Variants in SLC44A5 observed in about 807,000 individuals in gnomAD.
The protein encoded by SLC44A5 is choline transporter-like protein 5.
Under a neutral mutation model 101.8 loss-of-function variants are expected in SLC44A5, and 57 were observed. The ratio of observed to expected loss-of-function variants is 0.56; its 90% confidence interval spans 0.45 to 0.70. The LOEUF (loss-of-function observed/expected upper bound fraction) is 0.70, where lower values mean the gene tolerates loss of function less well. SLC44A5 is among the 30% of genes least tolerant of loss of function. The pLI, the probability that SLC44A5 is intolerant of heterozygous loss-of-function variation, is 0.00. For missense variants in SLC44A5, 737 were observed against 853.1 expected, an observed-to-expected ratio of 0.86 and a Z score of 1.70; for synonymous variants, 281 against 290.9, an observed-to-expected ratio of 0.97 and a Z score of 0.35.
chr1:75,475,066 C>G (rs957806053), intron 2 of SLC44A5, among the ~76,000 whole-genome samples: 5 of 152,196 alleles, frequency 3.3e-5, no homozygotes, highest in African/African-American at 7.2e-5. Flanking sequence ...AAATGAGGAG[C>G]CTGAATTCCA....
At chr1:75,672,405 C>T in the SLC44A5 span, among the ~76,000 whole-genome samples, 3 of 152,024 alleles carry the variant, frequency 2.0e-5, no homozygotes, top group Non-Finnish European at 2.9e-5. Flanking sequence ...AGCATTTAGA[C>T]CAGCCCTAGC....
intron 1 of SLC44A5, among the ~76,000 whole-genome samples, chr1:75,564,430 AT>A (rs1252607702): frequency 3.6e-5 from 3 of 84,440 alleles, no homozygotes; most frequent in Non-Finnish European, 6.7e-5. Context: ...CCCCAAAAGG[AT>A]TTTTTTTGCA....
chr1:75,240,230 C>G (rs759584266), intron 9 of SLC44A5, among the ~76,000 whole-genome samples: 1 of 152,064 alleles, frequency 6.6e-6, no homozygotes, highest in Non-Finnish European at 1.5e-5. Context: ...CAAAATCACA[C>G]AAGACATGCA....
In SLC44A5 at chr1:75,222,380, G is replaced by A. The variant is rs567560165; in HGVS notation, c.1066C>T (p.Leu356=). Residue 356 remains leucine (L), a synonymous_variant, in exon 14 of 24, where the codon CTG becomes TTG. Transcript: ENST00000370859. The part of the protein sequence containing the change: ...LRNRIRVAII[L]LKEGSKAIGY... ...CCTTACTTGCTTCCTTCCTTCAGCA[G>A]GATAATGGCGACTCGGATTCGATTC... 2 of 1,613,510 alleles carry A rather than the reference G, an allele frequency of 1.2e-6. No individual in the cohort carries two copies. Among genetic ancestry groups the A allele is most frequent in the African/African-American group, 2.7e-5 (2 of 75,026 alleles).
intron 2 of SLC44A5, among the ~76,000 whole-genome samples, chr1:75,507,694 T>G (rs1669346678): frequency 6.6e-6 from 1 of 151,934 alleles, no homozygotes. Flanking sequence ...TTTTGGGGAG[T>G]TGGTAGGTTT....
intron 2 of SLC44A5, among the ~76,000 whole-genome samples, chr1:75,432,138 A>G (rs553529547): frequency 1.3e-5 from 2 of 152,132 alleles, no homozygotes; most frequent in South Asian, 4.1e-4. Flanking sequence ...TCTCTCCTCA[A>G]TTGCTCTAAA....
intron 13 of SLC44A5, among the ~76,000 whole-genome samples, chr1:75,226,584 A>G (rs1156583353): frequency 2.0e-5 from 3 of 152,088 alleles, no homozygotes; most frequent in Non-Finnish European, 2.9e-5. Flanking sequence ...CAAGTTTTCA[A>G]ATTGATGGGA....
chr1:75,701,425 A>C, the SLC44A5 span, among the ~76,000 whole-genome samples: 1 of 152,216 alleles, frequency 6.6e-6, no homozygotes, highest in Admixed American at 6.5e-5. Context: ...ATCTCAATAG[A>C]TGCAGAAAAG....
intron 4 of SLC44A5, among the ~76,000 whole-genome samples, chr1:75,314,555 T>C (rs931743427): frequency 2.6e-5 from 4 of 152,122 alleles, no homozygotes; most frequent in African/African-American, 7.2e-5. Context: ...GCAATAACAA[T>C]AGGTGAGATA....
chr1:75,270,625 A>T (rs1292434588), intron 6 of SLC44A5, among the ~76,000 whole-genome samples: 1 of 152,152 alleles, frequency 6.6e-6, no homozygotes, highest in East Asian at 1.9e-4. Flanking sequence ...ATGATAACCC[A>T]GACCCCAGAA....
intron 6 of SLC44A5, among the ~76,000 whole-genome samples, chr1:75,253,914 T>C (rs1649789039): frequency 6.6e-6 from 1 of 152,298 alleles, no homozygotes; most frequent in African/African-American, 2.4e-5. Context: ...ACCAATTCCA[T>C]AATGTTTTTG....
intron 1 of SLC44A5, among the ~76,000 whole-genome samples, chr1:75,577,723 C>A (rs1673453265): frequency 6.6e-6 from 1 of 152,110 alleles, no homozygotes; most frequent in South Asian, 2.1e-4. Flanking sequence ...AATATAAATT[C>A]TCTGAGAGCA....
chr1:75,518,815 G>A (rs954541760), intron 2 of SLC44A5, among the ~76,000 whole-genome samples: 4 of 152,230 alleles, frequency 2.6e-5, no homozygotes, highest in African/African-American at 9.6e-5. Context: ...AACAGAGAGA[G>A]TCAGATTAGT....
At chr1:75,478,479 C>T (rs1174135048) in intron 2 of SLC44A5, among the ~76,000 whole-genome samples, 1 of 151,860 alleles carries the variant, frequency 6.6e-6, no homozygotes, top group Non-Finnish European at 1.5e-5. Flanking sequence ...GAGTCAAGAC[C>T]CATCAGTGTG....
intron 2 of SLC44A5, among the ~76,000 whole-genome samples, chr1:75,400,068 G>T (rs1570144654): frequency 6.6e-6 from 1 of 152,174 alleles, no homozygotes; most frequent in East Asian, 1.9e-4. Context: ...TATCCAAAGT[G>T]AATCAGCACA....
intron 6 of SLC44A5, among the ~76,000 whole-genome samples, chr1:75,272,021 G>T (rs1045092991): frequency 6.6e-6 from 1 of 152,042 alleles, no homozygotes. Flanking sequence ...GCAGTAGTAA[G>T]GTGGAATCTC....
chr1:75,447,963 T>C (rs1379939439), intron 2 of SLC44A5, among the ~76,000 whole-genome samples: 2 of 152,086 alleles, frequency 1.3e-5, no homozygotes, highest in African/African-American at 2.4e-5. Flanking sequence ...ACCCAAGGAA[T>C]GAAAAAGTTT....
intron 3 of SLC44A5, among the ~76,000 whole-genome samples, chr1:75,363,399 T>C (rs1659639802): frequency 6.6e-6 from 1 of 152,050 alleles, no homozygotes; most frequent in Non-Finnish European, 1.5e-5. Flanking sequence ...TGTGGTTTGG[T>C]GGTTTTCTGT....
rs187112150 is a variant in SLC44A5, at chr1:75,356,405, C to T, written c.53-16775G>A. ...TGTATGTTTGTGTCTCTGTTTTTAACAAAAAGTTTAAAAATTAAAAAATAT... is the reference window on the plus strand; with the variant it reads ...TGTATGTTTGTGTCTCTGTTTTTAATAAAAAGTTTAAAAATTAAAAAATAT... On this transcript the variant is annotated intron_variant, in intron 3 of 23. Coordinates refer to ENST00000370859, the MANE Select transcript of SLC44A5 (RefSeq NM_001130058.2). Among the ~76,000 whole-genome samples the T allele has an allele frequency of 6.6e-5, 10 of 150,654 alleles. No individual in the cohort carries two copies. In the East Asian group the frequency reaches 1.6e-3, roughly 23 times the overall value.
Sources: allele counts gnomAD v4.1 joint callset (sites outside exome capture counted in the v4.1 genomes callset), GRCh38; gene constraint gnomAD v4.1.1; transcripts MANE v1.5; gene names NCBI Gene and HGNC (gene_info 2026-07-23, HGNC 2026-07-21).